COPB2: variants seen among roughly 807,000 people sequenced by gnomAD.
COPB2 encodes the protein coatomer subunit beta'.
Under a neutral mutation model 120.8 loss-of-function variants are expected in COPB2, and 16 were observed. The observed-to-expected ratio is 0.13, with a 90% CI of 0.09 to 0.20. The LOEUF (loss-of-function observed/expected upper bound fraction) is 0.20. Among genes scored for constraint, COPB2 ranks in the 10% least tolerant of loss-of-function variants. COPB2 has a pLI of 1.00. For synonymous variants in COPB2, 332 were observed against 366.3 expected, an observed-to-expected ratio of 0.91 and a Z score of 1.07; for missense variants, 794 against 1,076.5, an observed-to-expected ratio of 0.74 and a Z score of 3.67.
chr3:139,379,197 A>G, intron 3 of COPB2, 24 bp from the exon 4 acceptor site: 1 of 1,581,470 alleles, frequency 6.3e-7, no homozygotes, highest in Non-Finnish European at 8.6e-7. Flanking sequence ...TTTTAAAACC[A>G]TCATCCCTGT....
chr3:139,366,258 T>TA (rs772996225), intron 15 of COPB2, among the ~76,000 whole-genome samples: 2 of 150,610 alleles, frequency 1.3e-5, no homozygotes, highest in African/African-American at 4.8e-5. Context: ...CATTTTTTTT[T>TA]AAAAAGCAGA....
rs772210427 is a variant in COPB2, at chr3:139,357,950, G to A, written c.2634C>T (p.Leu878=). ...HTANKEEKSL[L]ELEVDLDNLE... is the part of the protein sequence containing the mutation. ...AATTATCCAAATCTACTTCTAGTTC[G>A]AGTAAACTCTGCAGACAAAAGGAAG... is the stretch of plus-strand genomic sequence containing the variant. The change falls in exon 22 of 22, where the codon CTC becomes CTT. Residue 878 remains leucine, a synonymous_variant. Coordinates refer to ENST00000333188, the MANE Select transcript of COPB2 (RefSeq NM_004766.3). The A allele has an allele frequency of 2.1e-5, 33 of 1,577,946 alleles. No individual in the cohort carries two copies. The highest frequency in any genetic ancestry group is 3.3e-4 in the Middle Eastern group (2 of 6,022).
chr3:139,358,190 T>A lies in COPB2; in HGVS notation c.2625+10A>T. 1 of 1,613,276 alleles carries A rather than the reference T, an allele frequency of 6.2e-7. No homozygotes were observed. The highest frequency in any genetic ancestry group is 8.5e-7 in the Non-Finnish European group (1 of 1,179,198). ...GGTAGAGGGAGGTTTGAGTATGATG[T>A]CTGACCTACCTTTTCTTCTTTGTTG... On this transcript the variant is annotated intron_variant, in intron 21 of 21. Transcript: ENST00000333188.
chr3:139,358,618 T>C, intron 20 of COPB2, 126 bp downstream of exon 20: 2 of 680,954 alleles, frequency 2.9e-6, no homozygotes, highest in Non-Finnish European at 5.1e-6. Context: ...GAGACAGAGC[T>C]TGCAGTGAGC....
Position 139,379,400 on chromosome 3 carries a change from T to A in COPB2, c.208A>T (p.Asn70Tyr). ...CTTACCGCTCCTGTCACAACCCAAT[T>A]CTTCCTTGCAACAAACTTTGCAGCT... ...VRAAKFVARKNWVVTGADDMQ... is the reference protein window; with the variant it reads ...VRAAKFVARKYWVVTGADDMQ... Residue 70 changes from asparagine to tyrosine, a missense_variant, in exon 3 of 22, where the codon AAT becomes TAT. Transcript: ENST00000333188. The A allele has an allele frequency of 6.2e-7, 1 of 1,614,124 alleles. No individual in the cohort carries two copies. The highest frequency in any genetic ancestry group is 8.5e-7 in the Non-Finnish European group (1 of 1,180,008).
rs769057877 is a variant in COPB2 at position 139,368,229 on chromosome 3, G to GATT, written c.1460_1461insAAT (p.Ile487dup). On this transcript the variant is annotated inframe_insertion, in exon 13 of 22. Coordinates refer to ENST00000333188, the MANE Select transcript of COPB2 (RefSeq NM_004766.3). ...AGACTTTTTCTGACAGATACTTAAG[G>GATT]ATAAAAAATGATTCCTCAGTAGCAA... 1 of 1,613,630 alleles carries GATT rather than the reference G, an allele frequency of 6.2e-7. No homozygotes were observed. Among genetic ancestry groups the GATT allele is most frequent in the Admixed American group, 1.7e-5 (1 of 59,968 alleles).
intron 12 of COPB2, 76 bp downstream of exon 12, chr3:139,369,185 C>T: frequency 1.8e-6 from 2 of 1,090,288 alleles, no homozygotes; most frequent in Non-Finnish European, 2.7e-6. Flanking sequence ...GTACAAAAGA[C>T]ACTTCTTGGC....
At position 139,357,948 on chromosome 3, in the gene COPB2, T is replaced by G. The variant is rs1576367545; in HGVS notation, c.2636A>C (p.Glu879Ala). ...CAAATTATCCAAATCTACTTCTAGTTCGAGTAAACTCTGCAGACAAAAGGA... is the reference window on the plus strand; with the variant it reads ...CAAATTATCCAAATCTACTTCTAGTGCGAGTAAACTCTGCAGACAAAAGGA... ...TANKEEKSLLELEVDLDNLEL... is the reference protein window; with the variant it reads ...TANKEEKSLLALEVDLDNLEL... The change falls in exon 22 of 22, where the codon GAA becomes GCA. Residue 879 changes from glutamate (E) to alanine (A), a missense_variant. Physicochemically the swap from Glu to Ala is moderately radical, Grantham distance 107 (BLOSUM62 -1). Around this residue, in one of 3 missense-constraint regions of COPB2, gnomAD observed 178 missense variants for 183.2 expected, o/e 0.97. Transcript: ENST00000333188. 4 of 1,580,666 alleles carry G rather than the reference T, an allele frequency of 2.5e-6. No individual in the cohort carries two copies. In the East Asian group the frequency reaches 9.0e-5, roughly 35 times the overall value.
At chr3:139,361,011 C>T (rs1941409491) in intron 17 of COPB2, 70 bp downstream of exon 17, 2 of 1,528,056 alleles carry the variant, frequency 1.3e-6, no homozygotes, top group African/African-American at 2.7e-5. Context: ...CTCCAGGGTT[C>T]ATTCTTCACT....
chr3:139,358,092 C>G, intron 21 of COPB2, 108 bp downstream of exon 21: 1 of 1,106,882 alleles, frequency 9.0e-7, no homozygotes, highest in Non-Finnish European at 1.3e-6. Context: ...TTCAAAGCCC[C>G]TGCTCTGAAA....
At position 139,372,151 on chromosome 3, in the gene COPB2, A is replaced by G. The variant is rs563515159; in HGVS notation, c.1095-318T>C. On this transcript the variant is annotated intron_variant, in intron 9 of 21. Transcript: ENST00000333188. ...GGAAATGCAAAGGAGGAGGATTCCA[A>G]TTATTCAACCAGTATTTGTTGAGCA... is the stretch of plus-strand genomic sequence containing the variant. Among the ~76,000 whole-genome samples the G allele has an allele frequency of 2.6e-5, 4 of 152,338 alleles. No homozygotes were observed. The South Asian group carries it at 8.3e-4, about 32-fold the overall frequency.
intron 1 of COPB2, among the ~76,000 whole-genome samples, chr3:139,383,733 T>C (rs1941856009): frequency 6.6e-6 from 1 of 152,212 alleles, no homozygotes; most frequent in African/African-American, 2.4e-5. Context: ...GTTTTAGCTA[T>C]TGGCATGTTA....
chr3:139,359,739 C>A (rs1057286246), intron 17 of COPB2, among the ~76,000 whole-genome samples: 1 of 152,162 alleles, frequency 6.6e-6, no homozygotes, highest in South Asian at 2.1e-4. Context: ...AAGGGCCAGA[C>A]AAGCCAGTGG....
Position 139,369,360 on chromosome 3 carries a change from G to A in COPB2, c.1302C>T (p.Tyr434=), listed in dbSNP as rs747008771. Residue 434 remains tyrosine, a synonymous_variant, in exon 12 of 22, where the codon TAC becomes TAT. Transcript: ENST00000333188. The part of the protein sequence containing the change: ...FKPDFGAESI[Y]GGFLLGVRSV... ...ATCTGACTCCCAATAAGAAGCCGCCGTAGATACCTAAAGGGAACATAAAAA... is the reference window on the plus strand; with the variant it reads ...ATCTGACTCCCAATAAGAAGCCGCCATAGATACCTAAAGGGAACATAAAAA... The A allele has an allele frequency of 3.0e-5, 48 of 1,612,886 alleles. No individual in the cohort carries two copies. The highest frequency in any genetic ancestry group is 1.3e-4 in the South Asian group (12 of 90,868).
intron 15 of COPB2, among the ~76,000 whole-genome samples, chr3:139,363,578 C>G (rs1207533503): frequency 6.6e-6 from 1 of 152,186 alleles, no homozygotes; most frequent in Non-Finnish European, 1.5e-5. Flanking sequence ...ATTAGCTTCT[C>G]CTTCAAGACA....
intron 9 of COPB2, 69 bp downstream of exon 9, chr3:139,373,144 T>G: frequency 1.4e-6 from 2 of 1,470,546 alleles, no homozygotes; most frequent in Non-Finnish European, 1.9e-6. Flanking sequence ...AGGGCAAGAG[T>G]GGACTGTGGA....
intron 5 of COPB2, among the ~76,000 whole-genome samples, chr3:139,377,679 A>G (rs1215125495): frequency 6.6e-6 from 1 of 152,250 alleles, no homozygotes; most frequent in African/African-American, 2.4e-5. Context: ...TATGGAATTT[A>G]AATGTAAAAT....
At chr3:139,381,401 T>C (rs1413808364) in intron 2 of COPB2, 1 of 152,154 alleles carries the variant, frequency 6.6e-6, no homozygotes. Context: ...GTTGGTGATA[T>C]AAACACAGGG....
At chr3:139,360,952 G>A (rs754226920) in intron 17 of COPB2, 129 bp downstream of exon 17, 26 of 985,734 alleles carry the variant, frequency 2.6e-5, no homozygotes, top group Non-Finnish European at 3.9e-5. Flanking sequence ...GCACTGTCCT[G>A]TTCTGACTGC....
Sources: allele counts gnomAD v4.1 joint callset (sites outside exome capture counted in the v4.1 genomes callset), GRCh38; gene constraint gnomAD v4.1.1; regional missense constraint gnomAD v4.1.1; transcripts MANE v1.5; gene names NCBI Gene and HGNC (gene_info 2026-07-23, HGNC 2026-07-21).